USP34: variants seen among roughly 807,000 people sequenced by gnomAD.
USP34 encodes ubiquitin specific peptidase 34.
A neutral mutation model predicts 460.3 loss-of-function variants in USP34; 70 were observed. The observed-to-expected ratio is 0.15, with a 90% CI of 0.13 to 0.19. USP34 has a LOEUF of 0.19. USP34 is among the 10% of genes least tolerant of loss of function. The probability of loss-of-function intolerance (pLI) is 1.00; values close to 1 mark genes in which losing one functional copy is unlikely to be tolerated. For synonymous variants in USP34, 1,647 were observed against 1,405.3 expected (o/e 1.17, Z -3.85); for missense variants, 3,985 against 4,236.2 (o/e 0.94, Z 1.65).
intron 68 of USP34, 43 bp from the exon 69 acceptor site, chr2:61,211,972 C>T (rs368266577): frequency 1.4e-5 from 21 of 1,547,226 alleles, no homozygotes; most frequent in Admixed American, 2.3e-5. Flanking sequence ...AACCCTATAG[C>T]ATTTTAGAAG....
chr2:61,282,853 A>T (rs763475481), intron 37 of USP34, among the ~76,000 whole-genome samples: 23 of 152,156 alleles, frequency 1.5e-4, no homozygotes, highest in Non-Finnish European at 2.1e-4. Flanking sequence ...TACCAAAATA[A>T]ATTCTCAAGC....
rs1314684164 is a variant in USP34, at chr2:61,236,313, T to C, written c.6842+12A>G. 1 of 1,602,346 alleles carries C rather than the reference T, an allele frequency of 6.2e-7. No homozygotes were observed. On this transcript the variant is annotated intron_variant, in intron 54 of 79. Transcript: ENST00000398571. Reference sequence around the variant, plus strand: ...TGTGTAAAATATCTACTATGAAATTTACCAAACTTACCCAAAATATGTATG... The same window carrying C: ...TGTGTAAAATATCTACTATGAAATTCACCAAACTTACCCAAAATATGTATG...
At chr2:61,364,620 A>G (rs1349958551) in intron 10 of USP34, among the ~76,000 whole-genome samples, 1 of 152,204 alleles carries the variant, frequency 6.6e-6, no homozygotes, top group Non-Finnish European at 1.5e-5. Context: ...AAGAAAAAGT[A>G]CATATATATT....
rs1171014468 is a variant in USP34, at chr2:61,470,781, GGGCC to G, written c.-93_-90del. 28 of 1,198,040 alleles carry G rather than the reference GGGCC, an allele frequency of 2.3e-5. No individual in the cohort carries two copies. Among genetic ancestry groups the G allele is most frequent in the East Asian group, 1.4e-4 (5 of 34,978 alleles). The allele number at this position is 1,198,040 out of a possible 1,614,324, so 74.2% of individuals were successfully genotyped here. A position where few individuals can be genotyped will look rare whatever the true frequency, so the allele number is the denominator to read the frequency against. Reference sequence around the variant, plus strand: ...GGGGAGGGGAGAGAGGCGGAGGAGGGGGCCGGCCGGCCGGCGGGGCGGGGAGGCG... The same window carrying G: ...GGGGAGGGGAGAGAGGCGGAGGAGGGGGCCGGCCGGCGGGGCGGGGAGGCG... On this transcript the variant is annotated 5_prime_UTR_variant, in exon 1 of 80. Coordinates refer to ENST00000398571, the MANE Select transcript of USP34 (RefSeq NM_014709.4).
intron 3 of USP34, among the ~76,000 whole-genome samples, chr2:61,395,885 G>A (rs1693507793): frequency 6.6e-6 from 1 of 151,284 alleles, no homozygotes; most frequent in Non-Finnish European, 1.5e-5. Flanking sequence ...GACCAACATG[G>A]TAAAACCTTG....
chr2:61,339,724 A>G (rs941984741), intron 16 of USP34, 43 bp from the exon 17 acceptor site: 15 of 1,093,822 alleles, frequency 1.4e-5, no homozygotes, highest in Non-Finnish European at 1.9e-5. Flanking sequence ...AGAGAAATGC[A>G]GCTGACTGAT....
chr2:61,315,775 G>C (rs1435434249), intron 23 of USP34, among the ~76,000 whole-genome samples: 1 of 152,172 alleles, frequency 6.6e-6, no homozygotes, highest in Non-Finnish European at 1.5e-5. Context: ...AAGTTGGGCA[G>C]AGTAAAGAAA....
intron 67 of USP34, among the ~76,000 whole-genome samples, chr2:61,215,950 A>G (rs557974508): frequency 1.3e-5 from 2 of 152,276 alleles, no homozygotes; most frequent in Admixed American, 6.5e-5. Flanking sequence ...AACATTCACT[A>G]TGGAACCTCC....
intron 1 of USP34, among the ~76,000 whole-genome samples, chr2:61,445,336 C>A (rs1486953079): frequency 6.7e-6 from 1 of 150,082 alleles, no homozygotes; most frequent in Non-Finnish European, 1.5e-5. Context: ...GAGATCAAGA[C>A]CATCCTGGCT....
intron 21 of USP34, 65 bp downstream of exon 21, chr2:61,325,310 A>C (rs1691052531): frequency 1.8e-6 from 2 of 1,123,792 alleles, no homozygotes; most frequent in African/African-American, 1.7e-5. Flanking sequence ...ATCAGAAGCA[A>C]AAGTAAATTT....
At chr2:61,266,721 A>G (rs1292354934) in intron 41 of USP34, among the ~76,000 whole-genome samples, 1 of 152,186 alleles carries the variant, frequency 6.6e-6, no homozygotes, top group Non-Finnish European at 1.5e-5. Context: ...CCCAAATAGT[A>G]CTATGGTACA....
At chr2:61,401,302 G>A (rs569584875) in intron 3 of USP34, among the ~76,000 whole-genome samples, 1 of 151,848 alleles carries the variant, frequency 6.6e-6, no homozygotes, top group African/African-American at 2.4e-5. Flanking sequence ...GCAGAGGCAT[G>A]ATCATAACTC....
At chr2:61,210,598 A>G (rs1687247086) in intron 69 of USP34, among the ~76,000 whole-genome samples, 1 of 152,236 alleles carries the variant, frequency 6.6e-6, no homozygotes, top group Non-Finnish European at 1.5e-5. Flanking sequence ...TCACACAGCT[A>G]TATTACTGTT....
intron 16 of USP34, among the ~76,000 whole-genome samples, chr2:61,340,109 T>A (rs894215772): frequency 1.3e-5 from 2 of 151,960 alleles, no homozygotes; most frequent in African/African-American, 4.8e-5. Flanking sequence ...ACATAAATAC[T>A]TGAAACTAAG....
chr2:61,191,348 T>C (rs902447285), intron 76 of USP34: 114 of 152,214 alleles, frequency 7.5e-4, no homozygotes, highest in Middle Eastern at 6.9e-3. Flanking sequence ...ATAATTTATA[T>C]GGAAAAAAGC....
At chr2:61,391,629 C>G (rs1239331089) in intron 5 of USP34, among the ~76,000 whole-genome samples, 4 of 151,970 alleles carry the variant, frequency 2.6e-5, no homozygotes, top group African/African-American at 9.7e-5. Flanking sequence ...CCTATTGAAG[C>G]CAAAACACCA....
intron 27 of USP34, among the ~76,000 whole-genome samples, chr2:61,304,032 G>A (rs1690323405): frequency 1.3e-5 from 2 of 152,062 alleles, no homozygotes; most frequent in South Asian, 4.2e-4. Flanking sequence ...CAAGTAGCTG[G>A]GATTACGGGT....
At chr2:61,380,418 C>G in intron 6 of USP34, 57 bp from the exon 7 acceptor site, 1 of 1,511,628 alleles carries the variant, frequency 6.6e-7, no homozygotes, top group Non-Finnish European at 8.9e-7. Flanking sequence ...TTTTAAAGAC[C>G]ACTCAGTAAC....
chr2:61,290,664 C>T (rs1162448979), intron 33 of USP34, among the ~76,000 whole-genome samples: 1 of 151,942 alleles, frequency 6.6e-6, no homozygotes, highest in African/African-American at 2.4e-5. Context: ...AACTGCAGGA[C>T]GGAACTTCTT....
Sources: allele counts gnomAD v4.1 joint callset (sites outside exome capture counted in the v4.1 genomes callset), GRCh38; gene constraint gnomAD v4.1.1; transcripts MANE v1.5; gene names NCBI Gene and HGNC (gene_info 2026-07-23, HGNC 2026-07-21).